The following GNG13 variants were observed in gnomAD, a reference collection of about 807,000 sequenced individuals.
GNG13 encodes the protein G protein subunit gamma 13.
In GNG13, 12 loss-of-function variants were observed where a neutral mutation model predicts 8.2. That is an observed-to-expected ratio of 1.47 (90% CI 0.94 to 2.38). GNG13 has a LOEUF of 2.38. Ranked by LOEUF, GNG13 falls within the 30% of genes most tolerant of loss-of-function variation. The pLI, the probability that GNG13 is intolerant of heterozygous loss-of-function variation, is 0.00. For synonymous variants in GNG13, 45 were observed against 33.0 expected, an observed-to-expected ratio of 1.37 and a Z score of -1.25; for missense variants, 100 against 85.2, an observed-to-expected ratio of 1.17 and a Z score of -0.68.
rs36073541 is a variant in GNG13, at chr16:798,755, G to A, written c.168C>T (p.Asn56=). 43,352 of 1,612,540 alleles carry A rather than the reference G, an allele frequency of 0.027. 2,268 individuals are homozygous for A. The highest frequency in any genetic ancestry group is 0.18 in the South Asian group (16,042 of 91,006). ...PFLNPDLMKN[N]PWVEKGKCTI... ...TGCATTTGCCCTTTTCCACCCATGG[G>A]TTGTTCTTCATCAGGTCGGGGTTCA... The change falls in exon 3 of 3, where the codon AAC becomes AAT. Residue 56 remains asparagine (N), a synonymous_variant. Coordinates refer to ENST00000248150, the MANE Select transcript of GNG13 (RefSeq NM_016541.3).
intron 1 of GNG13, 114 bp from the exon 2 acceptor site, chr16:799,225 C>T (rs1224702056): frequency 4.7e-6 from 3 of 639,200 alleles, no homozygotes; most frequent in Non-Finnish European, 8.5e-6. Flanking sequence ...GGAGAGTCCA[C>T]ACCACTGCCT....
At chr16:800,398 CCACCCCGTG>C (rs1245769473) in intron 1 of GNG13, among the ~76,000 whole-genome samples, 21 of 152,332 alleles carry the variant, frequency 1.4e-4, no homozygotes, top group South Asian at 6.2e-4. Context: ...GCCTGGCCAC[CCACCCCGTG>C]CACCCCGTGG....
intron 1 of GNG13, 38 bp from the exon 2 acceptor site, chr16:799,149 C>T (rs886330191): frequency 1.1e-5 from 10 of 873,644 alleles, no homozygotes; most frequent in Non-Finnish European, 9.5e-6. Context: ...GCCGAGGCCA[C>T]CAGCCTGTAG....
Position 798,486 on chromosome 16 carries a change from T to C in GNG13, c.*233A>G. On this transcript the variant is annotated 3_prime_UTR_variant, in exon 3 of 3. Coordinates refer to ENST00000248150, the MANE Select transcript of GNG13 (RefSeq NM_016541.3). Reference sequence around the variant, plus strand: ...GGGGCTGGGAGTGGGACTCACAGGATGGAGTGAATGGGGCTGGGCATAGTC... The same window carrying C: ...GGGGCTGGGAGTGGGACTCACAGGACGGAGTGAATGGGGCTGGGCATAGTC... 7 of 526,550 alleles carry C rather than the reference T, an allele frequency of 1.3e-5. No homozygotes were observed. Among genetic ancestry groups the C allele is most frequent in the South Asian group, 1.2e-4 (7 of 56,402 alleles). 32.6% of individuals were successfully genotyped at this position (526,550 alleles called of 1,614,324 possible).
Position 798,550 on chromosome 16 carries a change from CAGGT to C in GNG13, c.*165_*168del. On this transcript the variant is annotated 3_prime_UTR_variant, in exon 3 of 3. Transcript: ENST00000248150. Reference sequence around the variant, plus strand: ...TGAGTGGGGCCGGGAGTGGGGCTCACAGGTTGGTGTGAGTGGGGCCGGGCATGGG... The same window carrying C: ...TGAGTGGGGCCGGGAGTGGGGCTCACTGGTGTGAGTGGGGCCGGGCATGGG... The C allele has an allele frequency of 8.7e-6, 6 of 692,236 alleles. No homozygotes were observed. The highest frequency in any genetic ancestry group is 1.6e-5 in the Non-Finnish European group (6 of 383,994). The allele number at this position is 692,236 out of a possible 1,614,324, so 42.9% of individuals were successfully genotyped here.
rs535457171 is a variant in GNG13 at position 798,044 on chromosome 16, C to G, written c.*675G>C. On this transcript the variant is annotated 3_prime_UTR_variant, in exon 3 of 3. Coordinates refer to ENST00000248150, the MANE Select transcript of GNG13 (RefSeq NM_016541.3). ...TGCAGAGACAGGAAGCTGGAGATGT[C>G]TTTATAAAGTCACACCTTTACAGAC... 3.5e-5 allele frequency: 54 copies of G among 1,543,872 alleles called. No individual in the cohort carries two copies. The highest frequency in any genetic ancestry group is 4.6e-5 in the Non-Finnish European group (53 of 1,143,572).
Position 798,389 on chromosome 16 carries a change from G to C in GNG13, c.*330C>G, listed in dbSNP as rs1359975602. The C allele has an allele frequency of 2.2e-6, 1 of 452,426 alleles. No homozygotes were observed. Among genetic ancestry groups the C allele is most frequent in the African/African-American group, 2.2e-5 (1 of 46,286 alleles). 28.0% of individuals were successfully genotyped at this position (452,426 alleles called of 1,614,324 possible). On this transcript the variant is annotated 3_prime_UTR_variant, in exon 3 of 3. Coordinates refer to ENST00000248150, the MANE Select transcript of GNG13 (RefSeq NM_016541.3). ...GAGTGGGGCTCACAGGATGGTGGGA[G>C]TGGGGCTGGGAGTGGGGCTCACAGG... is the stretch of plus-strand genomic sequence containing the variant.
Sources: gnomAD v4.1 joint callset for allele counts (sites outside exome capture counted in the v4.1 genomes callset) on GRCh38, gnomAD v4.1.1 for gene constraint, MANE v1.5 for transcripts, NCBI Gene and HGNC (gene_info 2026-07-23, HGNC 2026-07-21) for gene names.